The following SCN10A variants were observed in gnomAD, a reference collection of about 807,000 sequenced individuals.
The protein encoded by SCN10A is sodium voltage-gated channel alpha subunit 10, also known as sodium channel protein type 10 subunit alpha.
In SCN10A, 162 loss-of-function variants were observed where a neutral mutation model predicts 170.7. That is an observed-to-expected ratio of 0.95 (90% CI 0.84 to 1.08). SCN10A has a LOEUF of 1.08. Among genes scored for constraint, SCN10A ranks in the 50% least tolerant of loss-of-function variants. SCN10A has a pLI of 0.00. For missense variants in SCN10A, 2,527 were observed against 2,436.9 expected, an observed-to-expected ratio of 1.04 and a Z score of -0.78; for synonymous variants, 985 against 904.6, an observed-to-expected ratio of 1.09 and a Z score of -1.59.
rs774457893 is a variant in SCN10A at position 38,728,845 on chromosome 3, G to A, written c.2337C>T (p.Ile779=). 3.1e-6 allele frequency: 5 copies of A among 1,614,172 alleles called. No homozygotes were observed. The highest frequency in any genetic ancestry group is 4.2e-6 in the Non-Finnish European group (5 of 1,180,026). Residue 779 remains isoleucine, a synonymous_variant, in exon 16 of 28, where the codon ATC becomes ATT. Transcript: ENST00000449082. ...CCAGTGCCCCCACTGAGTTTCCGAT[G>A]ATCTTGATGAGTGTGTTTAAGGTGG... is the stretch of plus-strand genomic sequence containing the variant. The part of the protein sequence containing the change: ...SWPTLNTLIK[I]IGNSVGALGN...
At chr3:38,738,498 G>A (rs1012347920) in intron 15 of SCN10A, among the ~76,000 whole-genome samples, 12 of 152,098 alleles carry the variant, frequency 7.9e-5, no homozygotes, top group African/African-American at 2.2e-4. Context: ...CTAGAGTCTC[G>A]TTGCCTCCTG....
At position 38,760,704 on chromosome 3, in the gene SCN10A, C is replaced by G. The variant is rs771583859; in HGVS notation, c.927G>C (p.Leu309=). 6.2e-7 allele frequency: 1 copy of G among 1,614,108 alleles called. No individual in the cohort carries two copies. The highest frequency in any genetic ancestry group is 8.5e-7 in the Non-Finnish European group (1 of 1,179,932). Residue 309 remains leucine (L), a synonymous_variant, in exon 8 of 28, where the codon CTG becomes CTC. Transcript: ENST00000449082. The part of the protein sequence containing the change: ...INKRGTSDPL[L]CGNGSDSGHC... ...ACCCTGAGTCAGATCCATTGCCACA[C>G]AGTAAGGGGTCAGAAGTGCCTCGCT... is the stretch of plus-strand genomic sequence containing the variant.
intron 26 of SCN10A, 49 bp downstream of exon 26, chr3:38,707,230 A>C (rs1292216875): frequency 3.8e-6 from 6 of 1,584,070 alleles, no homozygotes; most frequent in Non-Finnish European, 5.2e-6. Context: ...ATAGACTGTC[A>C]TGTTGGATTC....
At chr3:38,792,339 G>A (rs900490466) in intron 2 of SCN10A, among the ~76,000 whole-genome samples, 171 bp from the exon 3 acceptor site, 1 of 152,048 alleles carries the variant, frequency 6.6e-6, no homozygotes, top group Non-Finnish European at 1.5e-5. Flanking sequence ...GAGGATCAAG[G>A]ACTAAAAGCC....
At chr3:38,777,611 T>C (rs545513830) in intron 4 of SCN10A, among the ~76,000 whole-genome samples, 10 of 151,952 alleles carry the variant, frequency 6.6e-5, no homozygotes, top group Non-Finnish European at 1.5e-4. Flanking sequence ...TAAACTGATA[T>C]GGAAAAGTAA....
chr3:38,737,314 G>A (rs1399097253), intron 15 of SCN10A, among the ~76,000 whole-genome samples: 1 of 152,084 alleles, frequency 6.6e-6, no homozygotes, highest in Non-Finnish European at 1.5e-5. Context: ...CAGGGTATGG[G>A]GGTGTGATAT....
chr3:38,785,624 T>C (rs1390608449), intron 4 of SCN10A, among the ~76,000 whole-genome samples: 2 of 152,042 alleles, frequency 1.3e-5, no homozygotes, highest in African/African-American at 2.4e-5. Context: ...AAGCCAAAAT[T>C]GACAAATGGA....
Position 38,750,090 on chromosome 3 carries a change from A to T in SCN10A, c.1850T>A (p.Ile617Lys). Residue 617 changes from isoleucine to lysine, a missense_variant, in exon 13 of 28, where the codon ATA (isoleucine) becomes AAA (lysine). Ile to Lys is a moderately radical substitution (Grantham distance 102). Coordinates refer to ENST00000449082, the MANE Select transcript of SCN10A (RefSeq NM_006514.4). ...GCACTTACCCTCAAGGACGGAGGTT[A>T]TGATACTGACAACACTCATTGCCCT... ...AQRAMSVVSIITSVLEELEES... is the reference protein window; with the variant it reads ...AQRAMSVVSIKTSVLEELEES... 1 of 1,604,682 alleles carries T rather than the reference A, an allele frequency of 6.2e-7. No individual in the cohort carries two copies. The highest frequency in any genetic ancestry group is 8.5e-7 in the Non-Finnish European group (1 of 1,171,728).
At chr3:38,780,131 C>T (rs943191878) in intron 4 of SCN10A, among the ~76,000 whole-genome samples, 6 of 151,546 alleles carry the variant, frequency 4.0e-5, no homozygotes, top group African/African-American at 7.3e-5. Flanking sequence ...TTTTATTTAT[C>T]CTCCTACTCT....
At chr3:38,708,357 T>C (rs949704597) in intron 25 of SCN10A, among the ~76,000 whole-genome samples, 1 of 152,160 alleles carries the variant, frequency 6.6e-6, no homozygotes, top group Non-Finnish European at 1.5e-5. Context: ...AATATCTCCC[T>C]CTGTAATCTG....
intron 1 of SCN10A, among the ~76,000 whole-genome samples, chr3:38,801,341 C>T (rs1476251503): frequency 1.3e-5 from 2 of 152,064 alleles, no homozygotes; most frequent in Non-Finnish European, 2.9e-5. Flanking sequence ...CTTTTTGTCT[C>T]CACAGAAATC....
chr3:38,747,128 T>G (rs1163375856), intron 13 of SCN10A, among the ~76,000 whole-genome samples: 1 of 152,008 alleles, frequency 6.6e-6, no homozygotes, highest in Non-Finnish European at 1.5e-5. Flanking sequence ...TAACCTAAGG[T>G]TTCCTCTCCT....
chr3:38,736,043 C>A (rs781231591), intron 15 of SCN10A, among the ~76,000 whole-genome samples: 14 of 152,122 alleles, frequency 9.2e-5, no homozygotes, highest in Non-Finnish European at 1.9e-4. Flanking sequence ...AAGGAGGTGA[C>A]AAGTGCATTG....
intron 27 of SCN10A, among the ~76,000 whole-genome samples, chr3:38,701,496 T>C (rs867019612): frequency 4.6e-5 from 7 of 152,158 alleles, no homozygotes; most frequent in Non-Finnish European, 8.8e-5. Context: ...ACCATAAAAG[T>C]AAGGTCTGCT....
chr3:38,794,374 G>A (rs911451520), intron 1 of SCN10A, among the ~76,000 whole-genome samples: 1 of 152,154 alleles, frequency 6.6e-6, no homozygotes, highest in African/African-American at 2.4e-5. Context: ...GGACCACTGA[G>A]TTCCAGGCAC....
chr3:38,707,463 G>C (rs2063222972), intron 25 of SCN10A, 80 bp from the exon 26 acceptor site: 5 of 1,431,428 alleles, frequency 3.5e-6, no homozygotes, highest in South Asian at 1.2e-5. Flanking sequence ...GGAGAGAAAG[G>C]ATCATATCAA....
At chr3:38,792,814 T>C (rs1010261404) in intron 2 of SCN10A, among the ~76,000 whole-genome samples, 1 of 152,100 alleles carries the variant, frequency 6.6e-6, no homozygotes, top group Non-Finnish European at 1.5e-5. Flanking sequence ...ATGAAGAAGC[T>C]CTTGTTTAAA....
rs116529743 is a variant in SCN10A at position 38,789,301 on chromosome 3, T to G, written c.390-265A>C. Among the ~76,000 whole-genome samples, 2,860 of 152,160 alleles carry G rather than the reference T, an allele frequency of 0.019. 79 individuals carry two copies. The highest frequency in any genetic ancestry group is 0.065 in the African/African-American group (2,678 of 41,510). ...AAACAGGCTGACAAAAAATAAAAGT[T>G]AAATAACTTTTCTCAGGTCATGCAG... On this transcript the variant is annotated intron_variant, in intron 3 of 27. Transcript: ENST00000449082.
intron 8 of SCN10A, among the ~76,000 whole-genome samples, chr3:38,760,370 G>A (rs2063855017): frequency 6.6e-6 from 1 of 152,208 alleles, no homozygotes; most frequent in Admixed American, 6.5e-5. Context: ...TATGCTGTCT[G>A]CATATGCATG....
Sources: allele counts gnomAD v4.1 joint callset (sites outside exome capture counted in the v4.1 genomes callset), GRCh38; gene constraint gnomAD v4.1.1; transcripts MANE v1.5; gene names NCBI Gene and HGNC (gene_info 2026-07-23, HGNC 2026-07-21).